The following AGBL1 variants were observed in gnomAD, a reference collection of about 807,000 sequenced individuals.
AGBL1 encodes the protein cytosolic carboxypeptidase 4.
Under a neutral mutation model 118.9 loss-of-function variants are expected in AGBL1, and 130 were observed. The ratio of observed to expected loss-of-function variants is 1.09; its 90% confidence interval spans 0.95 to 1.26. AGBL1 has a LOEUF of 1.26. Ranked by LOEUF, AGBL1 falls within the 50% of genes most tolerant of loss-of-function variation. AGBL1 has a pLI of 0.00. For missense variants in AGBL1, 1,584 were observed against 1,298.1 expected (o/e 1.22, Z -3.38); for synonymous variants, 555 against 478.9 (o/e 1.16, Z -2.08).
At chr15:86,556,853 T>A (rs1399803857) in intron 21 of AGBL1, among the ~76,000 whole-genome samples, 1 of 152,186 alleles carries the variant, frequency 6.6e-6, no homozygotes, top group African/African-American at 2.4e-5. Flanking sequence ...AGAATGTAAA[T>A]ATTTTTGCAG....
chr15:86,525,663 G>A (rs1242000969), intron 19 of AGBL1, among the ~76,000 whole-genome samples: 2 of 152,138 alleles, frequency 1.3e-5, no homozygotes, highest in African/African-American at 4.8e-5. Flanking sequence ...ATAGCCACAT[G>A]TAGAAGAATG....
chr15:86,637,440 A>G (rs1407286776), intron 21 of AGBL1, among the ~76,000 whole-genome samples: 1 of 152,094 alleles, frequency 6.6e-6, no homozygotes, highest in Non-Finnish European at 1.5e-5. Context: ...GATGAAGGTG[A>G]ATGAGGCCGG....
chr15:86,897,711 T>C (rs1218180554), intron 22 of AGBL1, among the ~76,000 whole-genome samples: 13 of 151,592 alleles, frequency 8.6e-5, no homozygotes, highest in Non-Finnish European at 1.9e-4. Flanking sequence ...CCATAAATTT[T>C]AATCACCTTT....
chr15:86,183,885 A>G (rs960809555), intron 5 of AGBL1, among the ~76,000 whole-genome samples: 1 of 152,220 alleles, frequency 6.6e-6, no homozygotes, highest in Non-Finnish European at 1.5e-5. Context: ...GAAAATGATC[A>G]TTCTGAAACA....
At chr15:86,148,446 C>G (rs2077061258) in intron 3 of AGBL1, among the ~76,000 whole-genome samples, 1 of 152,078 alleles carries the variant, frequency 6.6e-6, no homozygotes. Context: ...CCTGATGGAG[C>G]TGAAAAACAT....
Position 86,247,833 on chromosome 15 carries a change from C to A in AGBL1, c.689C>A (p.Ala230Asp), listed in dbSNP as rs772733514. The change falls in exon 7 of 23, where the codon GCC becomes GAC. Residue 230 changes from alanine (A) to aspartate (D), a missense_variant. By Grantham distance (126) the Ala-to-Asp change is moderately radical (BLOSUM62 -2). Transcript: ENST00000614907. ...HIAALRSGRE[A>D]FLAAQGMEIL... ...GCTGCCCTCCGGTCCGGCAGGGAGG[C>A]CTTCCTGGCAGCACAGGGCATGGAG... 1 of 1,613,926 alleles carries A rather than the reference C, an allele frequency of 6.2e-7. No homozygotes were observed. Among genetic ancestry groups the A allele is most frequent in the South Asian group, 1.1e-5 (1 of 91,082 alleles).
intron 21 of AGBL1, among the ~76,000 whole-genome samples, chr15:86,645,393 TTTAAAA>T (rs2085261035): frequency 6.6e-6 from 1 of 152,210 alleles, no homozygotes; most frequent in South Asian, 2.1e-4. Context: ...GCTGAAATAT[TTTAAAA>T]TTAAAAAATG....
At chr15:86,544,076 C>G (rs1449264313) in intron 19 of AGBL1, among the ~76,000 whole-genome samples, 1 of 152,104 alleles carries the variant, frequency 6.6e-6, no homozygotes, top group Non-Finnish European at 1.5e-5. Context: ...AATATTTAGA[C>G]TAGGAGGAGA....
chr15:86,484,206 C>G (rs554208855), intron 18 of AGBL1, among the ~76,000 whole-genome samples: 18 of 152,142 alleles, frequency 1.2e-4, no homozygotes, highest in Non-Finnish European at 1.6e-4. Context: ...AATTGAGAAC[C>G]TGTAATTGCA....
chr15:86,836,729 C>T (rs995307596), intron 22 of AGBL1, among the ~76,000 whole-genome samples: 6 of 152,068 alleles, frequency 3.9e-5, no homozygotes, highest in Non-Finnish European at 7.4e-5. Flanking sequence ...TCCAGTCATA[C>T]TAGTGTTTGT....
At chr15:86,244,756 C>G (rs2078694235) in intron 6 of AGBL1, among the ~76,000 whole-genome samples, 1 of 152,168 alleles carries the variant, frequency 6.6e-6, no homozygotes, top group Admixed American at 6.5e-5. Context: ...GACAAAAGTC[C>G]TTAAGCTTAT....
intron 5 of AGBL1, among the ~76,000 whole-genome samples, chr15:86,215,817 C>G (rs144925104): frequency 1.6e-4 from 24 of 152,310 alleles, no homozygotes; most frequent in African/African-American, 5.8e-4. Context: ...CCATGAAGAA[C>G]AGTTTGAACG....
chr15:86,750,921 G>A (rs892142960), intron 22 of AGBL1, among the ~76,000 whole-genome samples: 3 of 152,028 alleles, frequency 2.0e-5, no homozygotes, highest in Admixed American at 6.6e-5. Context: ...TTAGTTTGCC[G>A]AGGATAATGG....
chr15:86,732,895 A>G (rs982458122), intron 22 of AGBL1, among the ~76,000 whole-genome samples: 12 of 150,988 alleles, frequency 7.9e-5, no homozygotes, highest in South Asian at 2.1e-4. Flanking sequence ...ATAGCTATAG[A>G]TAAATCTACA....
At chr15:86,553,852 C>T (rs1036790882) in intron 20 of AGBL1, among the ~76,000 whole-genome samples, 3 of 140,338 alleles carry the variant, frequency 2.1e-5, no homozygotes, top group Non-Finnish European at 4.7e-5. Flanking sequence ...TGGACTTCAG[C>T]TATTTATTTC....
chr15:86,730,266 C>G (rs2077509600), intron 22 of AGBL1, among the ~76,000 whole-genome samples: 1 of 152,128 alleles, frequency 6.6e-6, no homozygotes, highest in Admixed American at 6.5e-5. Context: ...CAAGTGGGAC[C>G]TAATTAAACT....
intron 23 of AGBL1, among the ~76,000 whole-genome samples, chr15:86,981,806 C>G (rs930964109): frequency 2.0e-5 from 3 of 152,072 alleles, no homozygotes; most frequent in Non-Finnish European, 4.4e-5. Context: ...AAACAGGATC[C>G]ATCACCATTC....
At chr15:86,429,150 C>T (rs762160404) in intron 18 of AGBL1, among the ~76,000 whole-genome samples, 35 of 152,336 alleles carry the variant, frequency 2.3e-4, no homozygotes, top group Admixed American at 5.2e-4. Flanking sequence ...GACCTTAGGT[C>T]TAGAATAGCA....
Position 86,396,225 on chromosome 15 carries a change from ATG to A in AGBL1, c.2375-1123_2375-1122del, listed in dbSNP as rs1193757610. 3.9e-3 allele frequency among the ~76,000 whole-genome samples: 495 copies of A among 128,148 alleles called. 7 individuals carry two copies. Among genetic ancestry groups the A allele is most frequent in the African/African-American group, 0.011 (357 of 33,186 alleles). The allele number at this position is 128,148 out of a possible 152,430, so 84.1% of individuals were successfully genotyped here. A position where few individuals can be genotyped will look rare whatever the true frequency, so the allele number is the denominator to read the frequency against. On this transcript the variant is annotated intron_variant, in intron 17 of 22. Transcript: ENST00000614907. ...ATCATATACGTGTGTGTGTATATAT[ATG>A]TGTGTGTGTGTGTGTGTATATATAT...
Sources: allele counts gnomAD v4.1 joint callset (sites outside exome capture counted in the v4.1 genomes callset), GRCh38; gene constraint gnomAD v4.1.1; transcripts MANE v1.5; gene names NCBI Gene and HGNC (gene_info 2026-07-23, HGNC 2026-07-21).